The following TENM1 variants were observed in gnomAD, a reference collection of about 807,000 sequenced individuals.
TENM1 encodes the protein teneurin transmembrane protein 1.
In TENM1, 35 loss-of-function variants were observed where a neutral mutation model predicts 174.8. The ratio of observed to expected loss-of-function variants is 0.20; its 90% CI spans 0.15 to 0.27. TENM1 has a LOEUF of 0.27. TENM1 is among the 10% of genes least tolerant of loss of function. TENM1 has a pLI of 1.00. For synonymous variants in TENM1, 781 were observed against 798.7 expected, an observed-to-expected ratio of 0.98 and a Z score of 0.37; for missense variants, 1,633 against 2,130.1, an observed-to-expected ratio of 0.77 and a Z score of 4.59.
intron 4 of TENM1, among the ~76,000 whole-genome samples, chrX:124,705,998 C>T (rs1021427087): frequency 1.8e-5 from 2 of 111,625 alleles, no homozygotes; most frequent in African/African-American, 6.5e-5. Flanking sequence ...CTCCATCTCC[C>T]GGGTTCAAGC....
At chrX:125,121,139 G>A in the TENM1 span, among the ~76,000 whole-genome samples, 2 of 111,736 alleles carry the variant, frequency 1.8e-5, no homozygotes, top group African/African-American at 6.5e-5. Context: ...ACGTGACAAG[G>A]TTTATAGTCA....
chrX:124,981,115 T>G, the TENM1 span, among the ~76,000 whole-genome samples: 1 of 111,649 alleles, frequency 9.0e-6, no homozygotes, highest in East Asian at 2.8e-4. Context: ...TATTATAATT[T>G]ATATGCCTGA....
At chrX:125,041,011 T>C in the TENM1 span, among the ~76,000 whole-genome samples, 2 of 111,499 alleles carry the variant, frequency 1.8e-5, no homozygotes, top group East Asian at 2.8e-4. Flanking sequence ...TGGGGAATCA[T>C]TAAAACAATA....
intron 11 of TENM1, among the ~76,000 whole-genome samples, chrX:124,580,509 T>C (rs1019313947): frequency 2.7e-5 from 3 of 109,345 alleles, no homozygotes. Flanking sequence ...TGTGTGTGTA[T>C]ATATATGCAC....
At chrX:124,799,733 T>C (rs775937572) in intron 3 of TENM1, among the ~76,000 whole-genome samples, 1 of 111,789 alleles carries the variant, frequency 8.9e-6, no homozygotes, top group African/African-American at 3.3e-5. Flanking sequence ...ATATTGGCTG[T>C]GGGTTTGTCA....
chrX:124,446,725 T>C (rs936287035), intron 23 of TENM1, among the ~76,000 whole-genome samples: 6 of 112,844 alleles, frequency 5.3e-5, no homozygotes, highest in African/African-American at 1.9e-4. Flanking sequence ...TGTATTTCTG[T>C]GGAGACACCT....
chrX:124,390,143 A>G (rs1313721727), intron 28 of TENM1, among the ~76,000 whole-genome samples: 2 of 112,125 alleles, frequency 1.8e-5, no homozygotes, highest in Non-Finnish European at 3.8e-5. Flanking sequence ...ACGTTTTTGT[A>G]GCAAAGAGAA....
chrX:125,049,306 T>G, the TENM1 span, among the ~76,000 whole-genome samples: 1 of 112,370 alleles, frequency 8.9e-6, no homozygotes, highest in East Asian at 2.8e-4. Flanking sequence ...TTTGGCTATC[T>G]TTGGCATTTC....
At chrX:124,620,352 C>CA (rs941420239) in intron 11 of TENM1, among the ~76,000 whole-genome samples, 3 of 109,502 alleles carry the variant, frequency 2.7e-5, no homozygotes, top group African/African-American at 1.0e-4. Context: ...GTCCTTAATA[C>CA]AAAAAAAGAG....
At chrX:124,949,934 C>T (rs760765109) in intron 1 of TENM1, among the ~76,000 whole-genome samples, 38 of 110,848 alleles carry the variant, frequency 3.4e-4, no homozygotes, top group African/African-American at 1.2e-3. Context: ...GTAGAGGAGT[C>T]TTAGTGCTGT....
At chrX:124,821,499 A>G (rs1352373539) in intron 3 of TENM1, among the ~76,000 whole-genome samples, 1 of 112,523 alleles carries the variant, frequency 8.9e-6, no homozygotes, top group Non-Finnish European at 1.9e-5. Flanking sequence ...GTTCATGAAA[A>G]GAGAACTATT....
chrX:124,734,065 A>G (rs2053617523), intron 4 of TENM1, among the ~76,000 whole-genome samples: 1 of 112,052 alleles, frequency 8.9e-6, no homozygotes, highest in African/African-American at 3.3e-5. Context: ...CCACTGTTTG[A>G]AAACTCCTTG....
At chrX:125,005,770 G>A in the TENM1 span, among the ~76,000 whole-genome samples, 1 of 111,216 alleles carries the variant, frequency 9.0e-6, no homozygotes, top group African/African-American at 3.3e-5. Context: ...CACCTGGGAA[G>A]TGCACGGAGC....
At chrX:124,952,933 T>C (rs2058512674) in intron 1 of TENM1, among the ~76,000 whole-genome samples, 1 of 111,931 alleles carries the variant, frequency 8.9e-6, no homozygotes. Context: ...CATCTTTTGG[T>C]ATAAATGCTT....
intron 11 of TENM1, among the ~76,000 whole-genome samples, chrX:124,640,310 T>C (rs931866663): frequency 1.8e-5 from 2 of 111,592 alleles, no homozygotes; most frequent in African/African-American, 6.5e-5. Flanking sequence ...TTGCAGTGAA[T>C]TATTACGCTA....
At chrX:125,118,738 G>A in the TENM1 span, among the ~76,000 whole-genome samples, 20 of 109,334 alleles carry the variant, frequency 1.8e-4, no homozygotes, top group Admixed American at 6.7e-4. Flanking sequence ...CTATTAGAAC[G>A]TCTAACATTA....
intron 11 of TENM1, among the ~76,000 whole-genome samples, chrX:124,628,055 T>C (rs1224453943): frequency 9.0e-6 from 1 of 111,690 alleles, no homozygotes; most frequent in Non-Finnish European, 1.9e-5. Context: ...TTCCTTTATA[T>C]TTCCTGGATA....
At chrX:124,587,208 C>G (rs2049552151) in intron 11 of TENM1, among the ~76,000 whole-genome samples, 1 of 109,962 alleles carries the variant, frequency 9.1e-6, no homozygotes, top group Admixed American at 9.7e-5. Flanking sequence ...CATATGGAAC[C>G]AAAAAAGAGC....
At chrX:124,528,023 C>T (rs1359885902) in intron 16 of TENM1, among the ~76,000 whole-genome samples, 1 of 108,543 alleles carries the variant, frequency 9.2e-6, no homozygotes, top group Non-Finnish European at 1.9e-5. Context: ...GAGGTAGCAA[C>T]AAGCAGAGAC....
Sources: gnomAD v4.1 joint callset for allele counts (sites outside exome capture counted in the v4.1 genomes callset) on GRCh38, gnomAD v4.1.1 for gene constraint, MANE v1.5 for transcripts, NCBI Gene and HGNC (gene_info 2026-07-23, HGNC 2026-07-21) for gene names.